Variants in PPP6R2 observed in about 807,000 individuals in gnomAD.
The protein encoded by PPP6R2 is serine/threonine-protein phosphatase 6 regulatory subunit 2.
In PPP6R2, 62 loss-of-function variants were observed where a neutral mutation model predicts 100.2. The observed-to-expected ratio is 0.62, with a 90% CI of 0.50 to 0.76. The LOEUF (loss-of-function observed/expected upper bound fraction) is 0.76, where lower values mean the gene tolerates loss of function less well. PPP6R2 is among the 30% of genes least tolerant of loss of function. The probability of loss-of-function intolerance (pLI) is 0.00; values close to 1 mark genes in which losing one functional copy is unlikely to be tolerated. For synonymous variants in PPP6R2, 525 were observed against 514.7 expected, an observed-to-expected ratio of 1.02 and a Z score of -0.27; for missense variants, 1,142 against 1,276.3, an observed-to-expected ratio of 0.89 and a Z score of 1.60.
chr22:50,429,793 G>A (rs796450676), intron 10 of PPP6R2, among the ~76,000 whole-genome samples: 14 of 152,288 alleles, frequency 9.2e-5, no homozygotes, highest in African/African-American at 3.1e-4. Context: ...TTTGTTGAGA[G>A]GTAGGTCTGA....
At position 50,436,293 on chromosome 22, in the gene PPP6R2, G is replaced by A. The variant is rs1261372840; in HGVS notation, c.1517-74G>A. Reference sequence around the variant, plus strand: ...ATCCTCCCGGACCCAGGATGCACCTGCCGGAGCCCCCGGGTGCCCTGCACC... The same window carrying A: ...ATCCTCCCGGACCCAGGATGCACCTACCGGAGCCCCCGGGTGCCCTGCACC... On this transcript the variant is annotated intron_variant, in intron 13 of 23. Transcript: ENST00000612753. The A allele has an allele frequency of 2.9e-6, 4 of 1,372,246 alleles. No individual in the cohort carries two copies. In the African/African-American group the frequency reaches 5.8e-5, roughly 20 times the overall value. The allele number at this position is 1,372,246 out of a possible 1,614,324, so 85.0% of individuals were successfully genotyped here.
chr22:50,339,278 G>A (rs1289632412), upstream of PPP6R2, among the ~76,000 whole-genome samples: 4 of 124,460 alleles, frequency 3.2e-5, no homozygotes. Flanking sequence ...GGTGTGTGTA[G>A]GGTGTGTGTT....
At chr22:50,433,501 C>T (rs34924602) in intron 12 of PPP6R2, among the ~76,000 whole-genome samples, 1 of 69,672 alleles carries the variant, frequency 1.4e-5, no homozygotes, top group Non-Finnish European at 2.9e-5. Context: ...GGGCAGGGGC[C>T]GGGCATTTGC....
At chr22:50,333,258 A>C in the PPP6R2 span, among the ~76,000 whole-genome samples, 1 of 151,566 alleles carries the variant, frequency 6.6e-6, no homozygotes, top group South Asian at 2.1e-4. Context: ...CCTTATACTA[A>C]TTCTGTCCTG....
intron 10 of PPP6R2, among the ~76,000 whole-genome samples, chr22:50,425,737 G>A (rs966254510): frequency 1.3e-5 from 2 of 151,284 alleles, no homozygotes; most frequent in East Asian, 1.9e-4. Flanking sequence ...GCTGATGCTC[G>A]TCATCTGATG....
At chr22:50,387,766 G>A (rs761197662) in intron 2 of PPP6R2, among the ~76,000 whole-genome samples, 11 of 152,192 alleles carry the variant, frequency 7.2e-5, no homozygotes, top group African/African-American at 1.4e-4. Flanking sequence ...GGGCCACCGC[G>A]GCGCACGCCC....
At chr22:50,378,521 G>A (rs2052136049) in intron 2 of PPP6R2, among the ~76,000 whole-genome samples, 1 of 152,080 alleles carries the variant, frequency 6.6e-6, no homozygotes, top group Non-Finnish European at 1.5e-5. Context: ...GGGAGGTGGA[G>A]GTTGTGGTGA....
At chr22:50,430,057 G>A (rs1243071134) in intron 10 of PPP6R2, among the ~76,000 whole-genome samples, 1 of 152,264 alleles carries the variant, frequency 6.6e-6, no homozygotes, top group Non-Finnish European at 1.5e-5. Flanking sequence ...AGGCAGAAGA[G>A]GGTCTGGGAC....
intron 2 of PPP6R2, among the ~76,000 whole-genome samples, chr22:50,375,911 G>T (rs1416988466): frequency 7.2e-6 from 1 of 138,836 alleles, no homozygotes; most frequent in Non-Finnish European, 1.5e-5. Context: ...CACAATCTCG[G>T]TTCACTGCAA....
chr22:50,388,745 A>G (rs192235984), intron 2 of PPP6R2, among the ~76,000 whole-genome samples: 202 of 151,702 alleles, frequency 1.3e-3, no homozygotes, highest in African/African-American at 4.6e-3. Context: ...GGTGGCAGGC[A>G]CCTGTAGTCC....
intron 10 of PPP6R2, among the ~76,000 whole-genome samples, chr22:50,424,633 CTTTTT>C (rs71198247): frequency 2.7e-5 from 2 of 74,252 alleles, no homozygotes; most frequent in Admixed American, 2.0e-4. Context: ...CCCTCTTCTT[CTTTTT>C]TTTTTTTTTT....
chr22:50,370,513 G>T (rs1033996545), intron 1 of PPP6R2, among the ~76,000 whole-genome samples: 81 of 151,408 alleles, frequency 5.3e-4, no homozygotes, highest in African/African-American at 9.9e-4. Context: ...GGTCTCGAAT[G>T]CCTGACCTCG....
At chr22:50,372,933 C>T (rs1309182915) in intron 2 of PPP6R2, among the ~76,000 whole-genome samples, 5 of 152,044 alleles carry the variant, frequency 3.3e-5, no homozygotes, top group African/African-American at 7.2e-5. Context: ...GTGATCCGCC[C>T]GCCTCGGCCT....
Position 50,444,629 on chromosome 22 carries a change from G to T in PPP6R2, c.*382G>T, listed in dbSNP as rs1056676. On this transcript the variant is annotated 3_prime_UTR_variant, in exon 24 of 24. Coordinates refer to ENST00000612753, the MANE Select transcript of PPP6R2 (RefSeq NM_001242898.2). ...AGGCTGTTTTTACAGTTTTTTTTTT[G>T]TTGTTGTTTTGTTTTTAAAGAATAC... 15,990 of 175,216 alleles carry T rather than the reference G, an allele frequency of 0.091. 703 individuals are homozygous for T. The highest frequency in any genetic ancestry group is 0.12 in the Non-Finnish European group (10,797 of 87,334). The allele number at this position is 175,216 out of a possible 1,614,324, so 10.9% of individuals were successfully genotyped here.
At position 50,441,004 on chromosome 22, in the gene PPP6R2, A is replaced by G. The variant is rs2065454745; in HGVS notation, c.2557A>G (p.Arg853Gly). Residue 853 changes from arginine to glycine, a missense_variant, in exon 22 of 24, where the codon AGG becomes GGG. This residue lies in a region of PPP6R2 where 550 missense variants were observed against 517.4 expected (regional missense o/e 1.06). Transcript: ENST00000612753. ...REAPPLPTVA[R>G]TEEAVGRVGC... ...GGCCCCCCCGCTGCCCACAGTGGCC[A>G]GGACAGAGGAGGCTGTCGGCAGGTG... 36 of 1,596,664 alleles carry G rather than the reference A, an allele frequency of 2.3e-5. No individual in the cohort carries two copies. Among genetic ancestry groups the G allele is most frequent in the Non-Finnish European group, 3.1e-5 (36 of 1,168,344 alleles).
At chr22:50,370,446 C>T (rs1209334986) in intron 1 of PPP6R2, among the ~76,000 whole-genome samples, 1 of 151,472 alleles carries the variant, frequency 6.6e-6, no homozygotes, top group Middle Eastern at 3.4e-3. Flanking sequence ...TGCCACCACG[C>T]CCAGCTAATT....
intron 2 of PPP6R2, among the ~76,000 whole-genome samples, chr22:50,385,493 C>T (rs898983715): frequency 6.7e-6 from 1 of 150,014 alleles, no homozygotes; most frequent in African/African-American, 2.5e-5. Flanking sequence ...CCACCACCCC[C>T]AGCCAGGGAT....
chr22:50,420,757 C>A (rs953371585), intron 8 of PPP6R2, among the ~76,000 whole-genome samples: 1 of 152,212 alleles, frequency 6.6e-6, no homozygotes, highest in African/African-American at 2.4e-5. Context: ...TAGGGTGTGT[C>A]CCAAAAGGGC....
At chr22:50,348,230 G>A (rs1386192620) in intron 1 of PPP6R2, among the ~76,000 whole-genome samples, 1 of 152,166 alleles carries the variant, frequency 6.6e-6, no homozygotes, top group Non-Finnish European at 1.5e-5. Context: ...CTGAGTTGTA[G>A]GAGAAACCTG....
Sources: gnomAD v4.1 joint callset for allele counts (sites outside exome capture counted in the v4.1 genomes callset) on GRCh38, gnomAD v4.1.1 for gene constraint, gnomAD v4.1.1 regional missense constraint, MANE v1.5 for transcripts, NCBI Gene and HGNC (gene_info 2026-07-23, HGNC 2026-07-21) for gene names.